CDH18: variants seen among roughly 807,000 people sequenced by gnomAD.
CDH18 encodes the protein cadherin 18.
In CDH18, 31 loss-of-function variants were observed where a neutral mutation model predicts 67.9. That is an observed-to-expected ratio of 0.46 (90% CI 0.34 to 0.62). The LOEUF is 0.62. Among genes scored for constraint, CDH18 ranks in the 20% least tolerant of loss-of-function variants. CDH18 has a pLI of 0.01. For synonymous variants in CDH18, 362 were observed against 347.2 expected (o/e 1.04, Z -0.48); for missense variants, 890 against 975.5 (o/e 0.91, Z 1.17).
In CDH18 at chr5:20,304,308, G is replaced by A. The variant is rs560598328; in HGVS notation, c.-579-48803C>T. The A allele has an allele frequency of 4.0e-5, 64 of 1,598,828 alleles. 2 individuals carry two copies. In the South Asian group the frequency reaches 6.9e-4, roughly 17 times the overall value. On this transcript the variant is annotated intron_variant, in intron 1 of 14. Transcript: ENST00000507958. The stretch of plus-strand genomic sequence containing the variant: ...TTCTGATTTGCTGTAGGTTTTAAAT[G>A]CAGAGTACCTATGACTTTCTCTTTA...
At chr5:20,302,901 C>T (rs115325165) in intron 1 of CDH18, among the ~76,000 whole-genome samples, 5,292 of 152,178 alleles carry the variant, frequency 0.035, 248 homozygotes, top group African/African-American at 0.1. Context: ...AAAGAATGCT[C>T]GTGTTAGTTA....
chr5:20,092,838 G>C (rs894288572), intron 2 of CDH18, among the ~76,000 whole-genome samples: 2 of 151,980 alleles, frequency 1.3e-5, no homozygotes, highest in Non-Finnish European at 2.9e-5. Context: ...AATAAAATGG[G>C]AAGAATGACT....
intron 6 of CDH18, among the ~76,000 whole-genome samples, chr5:19,606,277 T>C (rs911315279): frequency 6.6e-6 from 1 of 152,126 alleles, no homozygotes; most frequent in South Asian, 2.1e-4. Flanking sequence ...TATGTAATGT[T>C]CAATCAGTAA....
At chr5:20,249,200 T>G (rs1219819088) in intron 2 of CDH18, among the ~76,000 whole-genome samples, 2 of 152,066 alleles carry the variant, frequency 1.3e-5, no homozygotes, top group Non-Finnish European at 2.9e-5. Flanking sequence ...GCAAAATTCA[T>G]TATGTGATTT....
At chr5:20,486,098 A>G (rs1465560682) in intron 1 of CDH18, among the ~76,000 whole-genome samples, 1 of 152,202 alleles carries the variant, frequency 6.6e-6, no homozygotes, top group Non-Finnish European at 1.5e-5. Context: ...CTTTTCTGCA[A>G]TCCATAGGAT....
chr5:20,546,585 C>A (rs914890786), intron 1 of CDH18, among the ~76,000 whole-genome samples: 2 of 152,044 alleles, frequency 1.3e-5, no homozygotes, highest in Non-Finnish European at 2.9e-5. Flanking sequence ...TTGAATCCAT[C>A]GGTTCTCGCG....
intron 1 of CDH18, among the ~76,000 whole-genome samples, chr5:20,269,667 G>A (rs908946617): frequency 6.6e-6 from 1 of 152,024 alleles, no homozygotes; most frequent in Non-Finnish European, 1.5e-5. Flanking sequence ...AGTGTAAACA[G>A]TGTATTCATA....
intron 2 of CDH18, among the ~76,000 whole-genome samples, chr5:19,867,053 C>G (rs1446877822): frequency 1.3e-5 from 2 of 152,122 alleles, no homozygotes; most frequent in Non-Finnish European, 2.9e-5. Flanking sequence ...TGCGCCACTG[C>G]ACTCCAGCCT....
chr5:19,897,103 GA>G (rs1166340903), intron 2 of CDH18, among the ~76,000 whole-genome samples: 16 of 151,916 alleles, frequency 1.1e-4, no homozygotes, highest in South Asian at 4.1e-4. Context: ...ATTAAACTAA[GA>G]AATATAATTC....
At chr5:19,940,834 T>C (rs745903731) in intron 2 of CDH18, among the ~76,000 whole-genome samples, 1 of 152,102 alleles carries the variant, frequency 6.6e-6, no homozygotes, top group Admixed American at 6.6e-5. Flanking sequence ...AAGTCTCCAA[T>C]TATTCTGTAT....
chr5:20,513,532 T>C (rs952468391), intron 1 of CDH18, among the ~76,000 whole-genome samples: 1 of 152,172 alleles, frequency 6.6e-6, no homozygotes, highest in Admixed American at 6.5e-5. Context: ...ATCACAAACA[T>C]AGATATTCAA....
Position 20,277,063 on chromosome 5 carries a change from C to T in CDH18, c.-579-21558G>A, listed in dbSNP as rs568707333. On this transcript the variant is annotated intron_variant, in intron 1 of 14. Transcript: ENST00000507958. ...TCAGGCCCTGGCTTCAGGACGACAT[C>T]TCTGGACCAGAACTCACTGCCCTAA... Among the ~76,000 whole-genome samples the T allele has an allele frequency of 5.9e-5, 9 of 152,304 alleles. 1 individual carries two copies. The South Asian group carries it at 1.9e-3, about 32-fold the overall frequency.
intron 2 of CDH18, among the ~76,000 whole-genome samples, chr5:20,191,360 G>A (rs1005533348): frequency 5.9e-5 from 9 of 151,830 alleles, no homozygotes; most frequent in Admixed American, 1.3e-4. Context: ...CCTTTATGCC[G>A]ATAAAATGAA....
intron 1 of CDH18, among the ~76,000 whole-genome samples, chr5:20,550,815 A>AC (rs1757593071): frequency 1.3e-5 from 2 of 152,208 alleles, no homozygotes; most frequent in Non-Finnish European, 2.9e-5. Context: ...GTTCTGAAGG[A>AC]CATACAAGCC....
At chr5:20,410,460 C>T (rs527782370) in intron 1 of CDH18, among the ~76,000 whole-genome samples, 1 of 151,650 alleles carries the variant, frequency 6.6e-6, no homozygotes, top group African/African-American at 2.4e-5. Context: ...TATCAAAAAA[C>T]TAATAATAGA....
intron 1 of CDH18, among the ~76,000 whole-genome samples, chr5:20,423,946 C>CAAAAAAAAAAAAAAAAAAAAAAAAA (rs553723574): frequency 1.6e-5 from 1 of 63,858 alleles, no homozygotes; most frequent in East Asian, 4.3e-4. Flanking sequence ...GACTCCGTCT[C>CAAAAAAAAAAAAAAAAAAAAAAAAA]AAAAAAAAAA....
At chr5:19,774,447 T>TAAAATAAAATAAAATA (rs370475987) in intron 3 of CDH18, among the ~76,000 whole-genome samples, 106 of 145,016 alleles carry the variant, frequency 7.3e-4, no homozygotes, top group Middle Eastern at 3.5e-3. Flanking sequence ...TAAAATAAAA[T>TAAAATAAAATAAAATA]AAATAAATAA....
At chr5:19,596,011 A>C (rs982963850) in intron 6 of CDH18, among the ~76,000 whole-genome samples, 2 of 152,342 alleles carry the variant, frequency 1.3e-5, no homozygotes, top group Admixed American at 6.5e-5. Flanking sequence ...GCATGGGAAA[A>C]GCATGAGACC....
intron 2 of CDH18, among the ~76,000 whole-genome samples, chr5:20,207,997 T>C (rs1256027223): frequency 6.6e-6 from 1 of 151,788 alleles, no homozygotes; most frequent in Non-Finnish European, 1.5e-5. Context: ...AACAGAAAAA[T>C]TAAATATAAA....
Sources: allele counts gnomAD v4.1 joint callset (sites outside exome capture counted in the v4.1 genomes callset), GRCh38; gene constraint gnomAD v4.1.1; transcripts MANE v1.5; gene names NCBI Gene and HGNC (gene_info 2026-07-23, HGNC 2026-07-21).